Variants in MRTFA observed in about 807,000 individuals in gnomAD.
MRTFA encodes myocardin-related transcription factor A.
A neutral mutation model predicts 83.5 loss-of-function variants in MRTFA; 20 were observed. The ratio of observed to expected loss-of-function variants is 0.24; its 90% confidence interval spans 0.17 to 0.35. The LOEUF (loss-of-function observed/expected upper bound fraction) is 0.35, where lower values mean the gene tolerates loss of function less well. MRTFA is among the 10% of genes least tolerant of loss of function. The pLI, the probability that MRTFA is intolerant of heterozygous loss-of-function variation, is 1.00. For missense variants in MRTFA, 1,200 were observed against 1,224.7 expected, an observed-to-expected ratio of 0.98 and a Z score of 0.30; for synonymous variants, 659 against 541.2, an observed-to-expected ratio of 1.22 and a Z score of -3.02.
chr22:40,530,753 CAGA>C (rs1485838948), intron 3 of MRTFA, among the ~76,000 whole-genome samples: 1 of 152,234 alleles, frequency 6.6e-6, no homozygotes, highest in Non-Finnish European at 1.5e-5. Flanking sequence ...TTCTGAGATG[CAGA>C]AGAATTCCAA....
chr22:40,473,080 A>C (rs2053941540), intron 3 of MRTFA, among the ~76,000 whole-genome samples: 1 of 152,068 alleles, frequency 6.6e-6, no homozygotes, highest in Non-Finnish European at 1.5e-5. Flanking sequence ...TTCTATCTAA[A>C]TTTAATGCAT....
chr22:40,571,534 A>G (rs763805087), intron 2 of MRTFA, among the ~76,000 whole-genome samples: 1 of 152,200 alleles, frequency 6.6e-6, no homozygotes, highest in Non-Finnish European at 1.5e-5. Flanking sequence ...CATACAACTG[A>G]TAAGTGATTA....
intron 3 of MRTFA, among the ~76,000 whole-genome samples, chr22:40,468,608 G>T (rs1426225837): frequency 6.6e-6 from 1 of 152,100 alleles, no homozygotes; most frequent in East Asian, 1.9e-4. Flanking sequence ...CAATAAACTT[G>T]GCCACCACTT....
At chr22:40,435,442 G>A in intron 5 of MRTFA, 57 bp downstream of exon 5, 1 of 1,529,880 alleles carries the variant, frequency 6.5e-7, no homozygotes, top group Non-Finnish European at 9.1e-7. Context: ...AACCAGCAAT[G>A]CAATGAGCTC....
chr22:40,510,692 G>T (rs1362589004), intron 3 of MRTFA, among the ~76,000 whole-genome samples: 1 of 152,060 alleles, frequency 6.6e-6, no homozygotes, highest in Non-Finnish European at 1.5e-5. Flanking sequence ...AATGAGACCT[G>T]CTAGGAATGA....
chr22:40,420,522 G>A lies in MRTFA; in HGVS notation c.1236C>T (p.Ser412=), dbSNP rs2052808954. 1 of 1,613,810 alleles carries A rather than the reference G, an allele frequency of 6.2e-7. No homozygotes were observed. Among genetic ancestry groups the A allele is most frequent in the East Asian group, 2.2e-5 (1 of 44,892 alleles). ...CCGAGCTGGAGCTGCTATTGGTAGTGGAGAGGCTGCGTACTGGGGGGGTCC... is the reference window on the plus strand; with the variant it reads ...CCGAGCTGGAGCTGCTATTGGTAGTAGAGAGGCTGCGTACTGGGGGGGTCC... The change falls in exon 11 of 15, where the codon TCC becomes TCT. Residue 412 remains serine, a synonymous_variant. Transcript: ENST00000355630.
intron 3 of MRTFA, among the ~76,000 whole-genome samples, chr22:40,496,640 TC>T (rs1295210260): frequency 2.1e-5 from 3 of 143,890 alleles, no homozygotes; most frequent in Non-Finnish European, 4.5e-5. Context: ...GCTGTTGTCC[TC>T]ACACAATTAT....
chr22:40,611,908 A>T (rs903243491), intron 1 of MRTFA, among the ~76,000 whole-genome samples: 2 of 152,198 alleles, frequency 1.3e-5, no homozygotes, highest in Non-Finnish European at 2.9e-5. Flanking sequence ...AAAAACAAAA[A>T]CAATTTCTAT....
intron 7 of MRTFA, among the ~76,000 whole-genome samples, chr22:40,427,677 T>G (rs1024856306): frequency 6.6e-6 from 1 of 152,212 alleles, no homozygotes; most frequent in Non-Finnish European, 1.5e-5. Flanking sequence ...GCTAAAACCC[T>G]TGGAATTTCC....
intron 14 of MRTFA, chr22:40,412,936 G>C (rs1477152067): frequency 6.6e-6 from 1 of 152,032 alleles, no homozygotes; most frequent in African/African-American, 2.4e-5. Flanking sequence ...AGGAGTTCGA[G>C]ACCAGCCAGG....
chr22:40,594,942 CTGAT>C (rs2056170054), intron 1 of MRTFA, among the ~76,000 whole-genome samples: 1 of 146,488 alleles, frequency 6.8e-6, no homozygotes, highest in African/African-American at 2.5e-5. Flanking sequence ...ATAGGTAACA[CTGAT>C]TGGGCACTTC....
Position 40,418,950 on chromosome 22 carries a change from G to C in MRTFA, c.1788C>G (p.Ile596Met), listed in dbSNP as rs375645080. The change falls in exon 12 of 15, where the codon ATC becomes ATG. Residue 596 changes from isoleucine to methionine, a missense_variant. Coordinates refer to ENST00000355630, the MANE Select transcript of MRTFA (RefSeq NM_020831.6). ...CCCGGGGGCCCTCCTCCTTCACGAG[G>C]ATCTGCAGTGGCGAGGCCTGCAGGG... is the stretch of plus-strand genomic sequence containing the variant. The C allele has an allele frequency of 3.3e-5, 53 of 1,612,780 alleles. No homozygotes were observed. The highest frequency in any genetic ancestry group is 1.6e-4 in the Middle Eastern group (1 of 6,084).
At chr22:40,488,520 C>T (rs761580011) in intron 3 of MRTFA, among the ~76,000 whole-genome samples, 9 of 151,042 alleles carry the variant, frequency 6.0e-5, no homozygotes, top group East Asian at 1.9e-4. Flanking sequence ...CCATCTCTCT[C>T]TTTTTTTTTA....
rs763538266 is a variant in MRTFA at position 40,487,677 on chromosome 22, G to C, written c.242-24391C>G. On this transcript the variant is annotated intron_variant, in intron 3 of 14. Transcript: ENST00000355630. ...TCCAACATACACTGAATCTAATCAAGATATTTATAGAAAAAGGTTATTTAT... is the reference window on the plus strand; with the variant it reads ...TCCAACATACACTGAATCTAATCAACATATTTATAGAAAAAGGTTATTTAT... Among the ~76,000 whole-genome samples the C allele has an allele frequency of 5.1e-4, 78 of 152,278 alleles. 2 individuals are homozygous for C. Among genetic ancestry groups the C allele is most frequent in the Middle Eastern group, 6.8e-3 (2 of 294 alleles).
At chr22:40,463,443 C>T in intron 3 of MRTFA, 157 bp from the exon 4 acceptor site, 1 of 618,890 alleles carries the variant, frequency 1.6e-6, no homozygotes, top group East Asian at 2.8e-5. Context: ...GCAGAAGTGG[C>T]CTGATACAGC....
At position 40,499,061 on chromosome 22, in the gene MRTFA, A is replaced by G. The variant is rs186754121; in HGVS notation, c.242-35775T>C. Among the ~76,000 whole-genome samples, 135 of 152,284 alleles carry G rather than the reference A, an allele frequency of 8.9e-4. 1 individual carries two copies. In the Middle Eastern group the frequency reaches 0.02, roughly 23 times the overall value. ...CAATGATGTCCCACAACACAGACAAAAATATTCACAGGGTAGAAAAAAAGG... is the reference window on the plus strand; with the variant it reads ...CAATGATGTCCCACAACACAGACAAGAATATTCACAGGGTAGAAAAAAAGG... On this transcript the variant is annotated intron_variant, in intron 3 of 14. Coordinates refer to ENST00000355630, the MANE Select transcript of MRTFA (RefSeq NM_020831.6).
intron 7 of MRTFA, chr22:40,429,279 C>T (rs1030138057): frequency 3.3e-6 from 2 of 600,188 alleles, no homozygotes. Context: ...GGCATCTCCA[C>T]ATGTTCACAC....
chr22:40,545,831 TC>T (rs2055357176), intron 3 of MRTFA, among the ~76,000 whole-genome samples: 1 of 151,600 alleles, frequency 6.6e-6, no homozygotes, highest in Non-Finnish European at 1.5e-5. Context: ...TCTCCCCAGT[TC>T]AAGCGATTCT....
intron 13 of MRTFA, 105 bp from the exon 14 acceptor site, chr22:40,417,151 G>T (rs2052698828): frequency 7.1e-6 from 10 of 1,413,000 alleles, no homozygotes; most frequent in Non-Finnish European, 8.7e-6. Flanking sequence ...TAAGCAGCCA[G>T]ATCCACAGGA....
Sources: allele counts gnomAD v4.1 joint callset (sites outside exome capture counted in the v4.1 genomes callset), GRCh38; gene constraint gnomAD v4.1.1; transcripts MANE v1.5; gene names NCBI Gene and HGNC (gene_info 2026-07-23, HGNC 2026-07-21).